The following RYR2 variants were observed in gnomAD, a reference collection of about 807,000 sequenced individuals.
RYR2 encodes ryanodine receptor 2.
In RYR2, 227 loss-of-function variants were observed where a neutral mutation model predicts 601.1. That is an observed-to-expected ratio of 0.38 (90% CI 0.34 to 0.42). RYR2 has a LOEUF of 0.42. Ranked by LOEUF, RYR2 falls within the 10% of genes least tolerant of loss-of-function variation. RYR2 has a pLI of 1.00. For synonymous variants in RYR2, 2,223 were observed against 2,175.1 expected, an observed-to-expected ratio of 1.02 and a Z score of -0.61; for missense variants, 4,646 against 6,156.5, an observed-to-expected ratio of 0.75 and a Z score of 8.21.
rs185628790 is a variant in RYR2 at position 237,792,750 on chromosome 1, C to T, written c.13782+427C>T. 2.5e-3 allele frequency among the ~76,000 whole-genome samples: 383 copies of T among 152,242 alleles called. 3 individuals are homozygous for T. The highest frequency in any genetic ancestry group is 7.2e-3 in the African/African-American group (299 of 41,540). Reference sequence around the variant, plus strand: ...TGATAATTATTCACATAGAGAATTTCGCCTATAACTTGGCCCTACAGAAGT... The same window carrying T: ...TGATAATTATTCACATAGAGAATTTTGCCTATAACTTGGCCCTACAGAAGT... On this transcript the variant is annotated intron_variant, in intron 94 of 104. Transcript: ENST00000366574.
Position 237,784,711 on chromosome 1 carries a change from C to G in RYR2, c.12999C>G (p.Asn4333Lys). Residue 4333 changes from asparagine to lysine, a missense_variant, in exon 90 of 105, where the codon AAC becomes AAG. Physicochemically the swap from Asn to Lys is moderately conservative, Grantham distance 94 (BLOSUM62 0). Coordinates refer to ENST00000366574, the MANE Select transcript of RYR2 (RefSeq NM_001035.3). The surrounding 1 kb of genome is among the most constrained non-coding windows in gnomAD (Gnocchi z 7.1). ...TCAAAGTTGCAGAACTGTTAGCCAA[C>G]ATGCCAGACCCCACTCAGGATGAGG... The part of the protein sequence containing the change: ...KKIKVAELLA[N>K]MPDPTQDEVR... 1 of 1,606,756 alleles carries G rather than the reference C, an allele frequency of 6.2e-7. No individual in the cohort carries two copies. The highest frequency in any genetic ancestry group is 8.5e-7 in the Non-Finnish European group (1 of 1,175,542).
chr1:237,617,327 G>A lies in RYR2; in HGVS notation c.5757G>A (p.Arg1919=). 1.9e-6 allele frequency: 3 copies of A among 1,613,728 alleles called. No homozygotes were observed. Among genetic ancestry groups the A allele is most frequent in the Non-Finnish European group, 2.5e-6 (3 of 1,179,770 alleles). ...AGTACCTCTGTGACTGCCAGGTCCGGCACCGGATAGAAGCCATTGTAGCCT... is the reference window on the plus strand; with the variant it reads ...AGTACCTCTGTGACTGCCAGGTCCGACACCGGATAGAAGCCATTGTAGCCT... ...LLQYLCDCQV[R]HRIEAIVAFS... The change falls in exon 38 of 105, where the codon CGG becomes CGA. Residue 1919 remains arginine, a synonymous_variant. Coordinates refer to ENST00000366574, the MANE Select transcript of RYR2 (RefSeq NM_001035.3).
chr1:237,235,718 G>A (rs1400699535), intron 1 of RYR2, among the ~76,000 whole-genome samples: 1 of 152,178 alleles, frequency 6.6e-6, no homozygotes, highest in Non-Finnish European at 1.5e-5. Context: ...GTGGTCAAAG[G>A]CAGTGATAGA....
At chr1:237,736,958 G>T (rs74463792) in intron 79 of RYR2, among the ~76,000 whole-genome samples, 3,019 of 152,228 alleles carry the variant, frequency 0.02, 124 homozygotes, top group African/African-American at 0.069. Flanking sequence ...TTGCTAGGAG[G>T]TGGCTTGTAA....
intron 38 of RYR2, among the ~76,000 whole-genome samples, chr1:237,618,690 C>T (rs1487064878): frequency 6.6e-6 from 1 of 152,148 alleles, no homozygotes; most frequent in Non-Finnish European, 1.5e-5. Context: ...AAGCCAAAAA[C>T]CACAGAAAAA....
chr1:237,795,926 G>A lies in RYR2; in HGVS notation c.13956+595G>A, dbSNP rs1339480716. 3.2e-4 allele frequency among the ~76,000 whole-genome samples: 10 copies of A among 31,322 alleles called. No homozygotes were observed. In the South Asian group the frequency reaches 0.031, roughly 97 times the overall value. 20.5% of individuals were successfully genotyped at this position (31,322 alleles called of 152,430 possible). A position where few individuals can be genotyped will look rare whatever the true frequency, so the allele number is the denominator to read the frequency against. ...GATACACACACATATGCACGCGTAT[G>A]TGTGTACATATGTATGTGTGCATAT... On this transcript the variant is annotated intron_variant, in intron 96 of 104. Coordinates refer to ENST00000366574, the MANE Select transcript of RYR2 (RefSeq NM_001035.3).
chr1:237,575,908 A>G lies in RYR2; in HGVS notation c.3598+6589A>G, dbSNP rs575734134. ...AGAAAACCCTAAAGAATCTATACAC[A>G]TTACTAGGAACAATTGGAGTGTTTC... On this transcript the variant is annotated intron_variant, in intron 29 of 104. Transcript: ENST00000366574. Among the ~76,000 whole-genome samples the G allele has an allele frequency of 3.3e-5, 5 of 152,302 alleles. No individual in the cohort carries two copies. In the South Asian group the frequency reaches 1.0e-3, roughly 32 times the overall value.
intron 36 of RYR2, among the ~76,000 whole-genome samples, chr1:237,612,810 A>C (rs1387477784): frequency 6.6e-6 from 1 of 152,238 alleles, no homozygotes; most frequent in Admixed American, 6.5e-5. Context: ...ACCTTGTCTC[A>C]GTAGTTTATA....
At chr1:237,123,256 T>G (rs1465326806) in intron 1 of RYR2, among the ~76,000 whole-genome samples, 2 of 152,186 alleles carry the variant, frequency 1.3e-5, no homozygotes, top group African/African-American at 4.8e-5. Flanking sequence ...TTCTCATTTA[T>G]TCTGCTTTAT....
chr1:237,254,974 A>T (rs555698978), intron 1 of RYR2, among the ~76,000 whole-genome samples: 6 of 152,192 alleles, frequency 3.9e-5, no homozygotes, highest in Non-Finnish European at 8.8e-5. Context: ...GGGAACACTC[A>T]TTTTCTTTAA....
At chr1:237,770,947 T>A in intron 85 of RYR2, 60 bp downstream of exon 85, 1 of 1,029,708 alleles carries the variant, frequency 9.7e-7, no homozygotes, top group Non-Finnish European at 1.4e-6. Flanking sequence ...TTCAAGCCAG[T>A]AATAACAAGA....
intron 1 of RYR2, among the ~76,000 whole-genome samples, chr1:237,248,275 C>CCA (rs1687082442): frequency 1.1e-4 from 1 of 8,854 alleles, no homozygotes; most frequent in Non-Finnish European, 3.2e-4. Context: ...CCACCCCCCG[C>CCA]AACCCCGCCC....
At chr1:237,287,636 G>T (rs1297934717) in intron 2 of RYR2, among the ~76,000 whole-genome samples, 1 of 152,124 alleles carries the variant, frequency 6.6e-6, no homozygotes, top group Non-Finnish European at 1.5e-5. Context: ...ATTTCTAAAA[G>T]TGCATCCAAG....
intron 10 of RYR2, among the ~76,000 whole-genome samples, chr1:237,411,471 T>C (rs1410337693): frequency 6.6e-6 from 1 of 152,078 alleles, no homozygotes; most frequent in Non-Finnish European, 1.5e-5. Context: ...TTAGCAACAA[T>C]CCATTCAATT....
chr1:237,468,254 A>G (rs12094480), intron 16 of RYR2, among the ~76,000 whole-genome samples: 4,595 of 152,318 alleles, frequency 0.03, 107 homozygotes, highest in East Asian at 0.1. Context: ...GTAAGCAATT[A>G]TACTGTTTCT....
intron 68 of RYR2, among the ~76,000 whole-genome samples, chr1:237,708,097 A>G (rs533170854): frequency 6.6e-6 from 1 of 152,006 alleles, no homozygotes; most frequent in African/African-American, 2.4e-5. Context: ...TTAAATGTTG[A>G]AGTTTCAACA....
intron 16 of RYR2, among the ~76,000 whole-genome samples, chr1:237,465,606 A>G (rs916483339): frequency 3.3e-5 from 5 of 152,310 alleles, no homozygotes; most frequent in African/African-American, 1.2e-4. Flanking sequence ...GCTATAGGGG[A>G]TAGCCTACTG....
intron 1 of RYR2, among the ~76,000 whole-genome samples, chr1:237,083,332 G>A (rs1665958662): frequency 6.6e-6 from 1 of 152,110 alleles, no homozygotes; most frequent in Non-Finnish European, 1.5e-5. Flanking sequence ...CCCAGGATCT[G>A]GTATGTGCTT....
chr1:237,355,242 G>A (rs763035230), intron 3 of RYR2, among the ~76,000 whole-genome samples: 13 of 152,106 alleles, frequency 8.5e-5, no homozygotes, highest in Admixed American at 1.3e-4. Flanking sequence ...GATTGAGTAT[G>A]TCTCTCAATG....
Sources: allele counts gnomAD v4.1 joint callset (sites outside exome capture counted in the v4.1 genomes callset), GRCh38; gene constraint gnomAD v4.1.1; non-coding constraint Gnocchi (gnomAD v3.1); transcripts MANE v1.5; gene names NCBI Gene and HGNC (gene_info 2026-07-23, HGNC 2026-07-21).